CADM2: variants seen among roughly 807,000 people sequenced by gnomAD.
CADM2 encodes cell adhesion molecule 2.
A neutral mutation model predicts 49.8 loss-of-function variants in CADM2; 12 were observed. The ratio of observed to expected loss-of-function variants is 0.24; its 90% CI spans 0.15 to 0.39. The LOEUF (loss-of-function observed/expected upper bound fraction) is 0.39. Among genes scored for constraint, CADM2 ranks in the 10% least tolerant of loss-of-function variants. The probability of loss-of-function intolerance (pLI) is 1.00; values close to 1 mark genes in which losing one functional copy is unlikely to be tolerated. For synonymous variants in CADM2, 214 were observed against 175.4 expected (o/e 1.22, Z -1.74); for missense variants, 378 against 492.3 (o/e 0.77, Z 2.20).
intron 1 of CADM2, among the ~76,000 whole-genome samples, chr3:85,230,218 C>A (rs2042255937): frequency 6.7e-6 from 1 of 148,682 alleles, no homozygotes; most frequent in South Asian, 2.1e-4. Flanking sequence ...TGGTAGACTT[C>A]AGATCTTTGG....
intron 1 of CADM2, among the ~76,000 whole-genome samples, chr3:85,018,546 G>A (rs547855412): frequency 4.6e-5 from 7 of 151,862 alleles, no homozygotes; most frequent in African/African-American, 7.3e-5. Flanking sequence ...TAGAGATGGC[G>A]GTTTCACCAT....
intron 1 of CADM2, among the ~76,000 whole-genome samples, chr3:85,431,060 A>C (rs1223198275): frequency 6.6e-6 from 1 of 152,162 alleles, no homozygotes; most frequent in African/African-American, 2.4e-5. Context: ...AGATTATAAT[A>C]TCACATTTTT....
At chr3:85,635,414 C>G (rs952919417) in intron 1 of CADM2, among the ~76,000 whole-genome samples, 1 of 152,096 alleles carries the variant, frequency 6.6e-6, no homozygotes, top group Non-Finnish European at 1.5e-5. Flanking sequence ...AAAAACTAGT[C>G]ACAGTAATCT....
chr3:85,569,234 A>G (rs1356506840), intron 1 of CADM2, among the ~76,000 whole-genome samples: 1 of 151,778 alleles, frequency 6.6e-6, no homozygotes, highest in Non-Finnish European at 1.5e-5. Flanking sequence ...TTTTTCCTTC[A>G]GTGTTATTCC....
intron 1 of CADM2, among the ~76,000 whole-genome samples, chr3:85,282,429 ATTT>A (rs1200462213): frequency 3.2e-5 from 4 of 124,042 alleles, no homozygotes; most frequent in Non-Finnish European, 3.4e-5. Flanking sequence ...TCTTGGCCAA[ATTT>A]TTTTTTTTTT....
chr3:85,434,488 T>C (rs568782581), intron 1 of CADM2, among the ~76,000 whole-genome samples: 1 of 152,204 alleles, frequency 6.6e-6, no homozygotes, highest in East Asian at 1.9e-4. Context: ...GAAACTGTTA[T>C]ACACATTGGG....
intron 2 of CADM2, among the ~76,000 whole-genome samples, chr3:85,753,496 A>G (rs767810243): frequency 5.3e-5 from 8 of 152,108 alleles, no homozygotes; most frequent in Non-Finnish European, 1.0e-4. Flanking sequence ...TTCTCCTGTC[A>G]TAATAGCCAA....
chr3:85,278,993 G>A (rs1204528840), intron 1 of CADM2, among the ~76,000 whole-genome samples: 1 of 151,270 alleles, frequency 6.6e-6, no homozygotes, highest in East Asian at 1.9e-4. Flanking sequence ...TCAAGTTTTA[G>A]AAAATTGTAT....
chr3:85,349,042 C>A lies in CADM2; in HGVS notation c.62-377480C>A, dbSNP rs9309974. On this transcript the variant is annotated intron_variant, in intron 1 of 9. Transcript: ENST00000383699. ...CATAATCATAATTTTCTGTATAACC[C>A]TAAATATTCAGAGTTTCCCTGTATG... 5.9e-5 allele frequency among the ~76,000 whole-genome samples: 9 copies of A among 152,158 alleles called. No individual in the cohort carries two copies. In the South Asian group the frequency reaches 8.3e-4, roughly 14 times the overall value.
intron 3 of CADM2, among the ~76,000 whole-genome samples, chr3:85,872,886 A>G (rs949146656): frequency 6.6e-6 from 1 of 152,004 alleles, no homozygotes; most frequent in Non-Finnish European, 1.5e-5. Flanking sequence ...CTTCTTATCA[A>G]TTTGAATGTC....
intron 5 of CADM2, among the ~76,000 whole-genome samples, chr3:85,893,420 C>A (rs961570436): frequency 3.3e-5 from 5 of 152,190 alleles, no homozygotes; most frequent in African/African-American, 1.2e-4. Flanking sequence ...CAGTACCATT[C>A]TGGACATAGG....
At chr3:85,991,543 A>G (rs567616858) in intron 8 of CADM2, among the ~76,000 whole-genome samples, 17 of 152,286 alleles carry the variant, frequency 1.1e-4, no homozygotes, top group South Asian at 8.3e-4. Context: ...ACCCATTGCA[A>G]TAATAAGTTA....
At chr3:86,026,222 T>C (rs1012348562) in intron 8 of CADM2, among the ~76,000 whole-genome samples, 1 of 152,144 alleles carries the variant, frequency 6.6e-6, no homozygotes. Flanking sequence ...AGGTATTTTG[T>C]TACATTTAAC....
chr3:85,620,682 A>T (rs1466054913), intron 1 of CADM2, among the ~76,000 whole-genome samples: 1 of 152,148 alleles, frequency 6.6e-6, no homozygotes, highest in Non-Finnish European at 1.5e-5. Context: ...CATATGTGCA[A>T]TCCTTAAAAC....
intron 1 of CADM2, among the ~76,000 whole-genome samples, chr3:85,279,077 C>T (rs1022934351): frequency 6.6e-6 from 1 of 151,342 alleles, no homozygotes; most frequent in Non-Finnish European, 1.5e-5. Context: ...TTTGGGGTTT[C>T]AGGAGTAAGA....
intron 3 of CADM2, among the ~76,000 whole-genome samples, chr3:85,879,658 A>C (rs1712442075): frequency 1.3e-5 from 2 of 152,110 alleles, no homozygotes; most frequent in Admixed American, 6.6e-5. Context: ...TGTGCATTAA[A>C]ATTTTTTAAT....
chr3:85,559,831 G>T (rs2107171566), intron 1 of CADM2, among the ~76,000 whole-genome samples: 1 of 152,226 alleles, frequency 6.6e-6, no homozygotes, highest in South Asian at 2.1e-4. Context: ...CATCAGTGAT[G>T]ACTGGTTTTG....
chr3:85,405,824 G>C (rs1316830451), intron 1 of CADM2, among the ~76,000 whole-genome samples: 1 of 151,462 alleles, frequency 6.6e-6, no homozygotes, highest in Non-Finnish European at 1.5e-5. Context: ...AATAGAAAGA[G>C]ATTCTACATT....
rs373267566 is a variant in CADM2 at position 85,172,921 on chromosome 3, T to A, written c.61+213253T>A. Among the ~76,000 whole-genome samples the A allele has an allele frequency of 2.0e-4, 29 of 142,766 alleles. No individual in the cohort carries two copies. In the East Asian group the frequency reaches 4.3e-3, roughly 21 times the overall value. The allele number at this position is 142,766 out of a possible 152,430, so 93.7% of individuals were successfully genotyped here. On this transcript the variant is annotated intron_variant, in intron 1 of 9. Coordinates refer to ENST00000383699, the MANE Select transcript of CADM2 (RefSeq NM_001167675.2). ...TATATATTATATATAATATATGTAA[T>A]AATATATAATATATTATATAATATA... is the stretch of plus-strand genomic sequence containing the variant.
Sources: gnomAD v4.1 joint callset for allele counts (sites outside exome capture counted in the v4.1 genomes callset) on GRCh38, gnomAD v4.1.1 for gene constraint, MANE v1.5 for transcripts, NCBI Gene and HGNC (gene_info 2026-07-23, HGNC 2026-07-21) for gene names.